Variants in SAMD3 observed in about 807,000 individuals in gnomAD.
The protein encoded by SAMD3 is sterile alpha motif domain-containing protein 3.
SAMD3 carries 63 observed loss-of-function variants against 58.5 expected under a neutral mutation model. The ratio of observed to expected loss-of-function variants is 1.08; its 90% CI spans 0.88 to 1.33. SAMD3 has a LOEUF of 1.33. Among genes scored for constraint, SAMD3 ranks in the 40% most tolerant of loss-of-function variants. SAMD3 has a pLI of 0.00. For missense variants in SAMD3, 604 were observed against 608.4 expected (o/e 0.99, Z 0.08); for synonymous variants, 220 against 210.3 (o/e 1.05, Z -0.40).
chr6:130,181,806 C>G (rs1229951969), intron 7 of SAMD3, among the ~76,000 whole-genome samples: 1 of 151,804 alleles, frequency 6.6e-6, no homozygotes, highest in Non-Finnish European at 1.5e-5. Context: ...GAATTTTGAG[C>G]TATGTAAATA....
rs202057036 is a variant in SAMD3, at chr6:130,241,854, G to GA, written c.-187-19042dup. Among the ~76,000 whole-genome samples, 1,282 of 151,510 alleles carry GA rather than the reference G, an allele frequency of 8.5e-3. 19 individuals are homozygous for GA. The highest frequency in any genetic ancestry group is 0.03 in the African/African-American group (1,221 of 41,256). On this transcript the variant is annotated intron_variant, in intron 2 of 13. Coordinates refer to the SAMD3 transcript ENST00000368134. The stretch of plus-strand genomic sequence containing the variant: ...TTTTTTTGAAAGAGGGCATACCTGG[G>GA]AAAAAACAGCCACAGGTGTTTCTGT...
intron 5 of SAMD3, among the ~76,000 whole-genome samples, chr6:130,186,767 A>ATT (rs35592601): frequency 0.58 from 61,846 of 107,030 alleles, 19,064 homozygotes; most frequent in South Asian, 0.64. Flanking sequence ...CCTTCCTGGG[A>ATT]TTTTTTTTTT....
At chr6:130,341,018 T>C (rs1777252759) in intron 1 of SAMD3, among the ~76,000 whole-genome samples, 1 of 152,228 alleles carries the variant, frequency 6.6e-6, no homozygotes, top group Non-Finnish European at 1.5e-5. Flanking sequence ...AGGTTTTCAG[T>C]ACATTTAGAA....
At chr6:130,186,767 A>ATTTTTTTTTTTTTTTTTTTTTTTTTTTTT (rs35592601) in intron 5 of SAMD3, among the ~76,000 whole-genome samples, 1 of 107,036 alleles carries the variant, frequency 9.3e-6, no homozygotes, top group Non-Finnish European at 1.8e-5. Flanking sequence ...CCTTCCTGGG[A>ATTTTTTTTTTTTTTTTTTTTTTTTTTTTT]TTTTTTTTTT....
chr6:130,180,146 G>A (rs922525181), intron 7 of SAMD3, among the ~76,000 whole-genome samples: 3 of 151,394 alleles, frequency 2.0e-5, no homozygotes, highest in South Asian at 2.1e-4. Flanking sequence ...TTTGAGACAG[G>A]GTTTTGCTCT....
At chr6:130,273,685 A>C (rs966494984) in intron 2 of SAMD3, among the ~76,000 whole-genome samples, 2 of 151,608 alleles carry the variant, frequency 1.3e-5, no homozygotes, top group African/African-American at 4.8e-5. Context: ...TGTGGTTACC[A>C]TAAGGCATAT....
intron 1 of SAMD3, among the ~76,000 whole-genome samples, chr6:130,349,761 C>A (rs576094776): frequency 9.2e-5 from 14 of 151,968 alleles, no homozygotes; most frequent in Non-Finnish European, 1.8e-4. Flanking sequence ...GGCACAGACA[C>A]AACAAAAAAA....
intron 2 of SAMD3, among the ~76,000 whole-genome samples, chr6:130,297,507 G>T (rs1225450307): frequency 6.6e-6 from 1 of 152,176 alleles, no homozygotes; most frequent in African/African-American, 2.4e-5. Flanking sequence ...CCGAAGGATT[G>T]CATTCTCTTT....
chr6:130,163,560 G>A (rs72618513), intron 8 of SAMD3, among the ~76,000 whole-genome samples: 5,216 of 152,210 alleles, frequency 0.034, 446 homozygotes, highest in East Asian at 0.28. Flanking sequence ...GTAAAACTTC[G>A]CAGTATTAGT....
intron 8 of SAMD3, chr6:130,160,608 A>G (rs1790201455): frequency 6.6e-6 from 1 of 152,208 alleles, no homozygotes. Flanking sequence ...GTGGAAAACC[A>G]TAGACGGCCA....
intron 2 of SAMD3, among the ~76,000 whole-genome samples, chr6:130,297,856 G>A (rs1775620260): frequency 6.6e-6 from 1 of 152,100 alleles, no homozygotes; most frequent in Non-Finnish European, 1.5e-5. Context: ...TTTAAAAAAT[G>A]ATCAAAGCCT....
chr6:130,312,448 G>C (rs896277888), intron 2 of SAMD3, among the ~76,000 whole-genome samples: 8 of 152,162 alleles, frequency 5.3e-5, no homozygotes, highest in African/African-American at 1.9e-4. Flanking sequence ...TACCCTTAGA[G>C]TCCTCCTCAG....
At chr6:130,272,950 G>T (rs940862479) in intron 2 of SAMD3, among the ~76,000 whole-genome samples, 1 of 152,134 alleles carries the variant, frequency 6.6e-6, no homozygotes, top group Non-Finnish European at 1.5e-5. Context: ...ACAGATTTTA[G>T]CATCCTCATC....
chr6:130,329,043 CCTCTCT>C (rs10679349), intron 1 of SAMD3, among the ~76,000 whole-genome samples: 14 of 147,080 alleles, frequency 9.5e-5, no homozygotes, highest in South Asian at 6.5e-4. Flanking sequence ...TCTCTCTCTC[CCTCTCT>C]CTCTCTCTCT....
intron 5 of SAMD3, among the ~76,000 whole-genome samples, chr6:130,195,182 A>G (rs539787636): frequency 9.2e-5 from 14 of 151,732 alleles, no homozygotes; most frequent in Non-Finnish European, 2.1e-4. Flanking sequence ...CTTCTCCCCA[A>G]CCCAAAGCCT....
intron 2 of SAMD3, among the ~76,000 whole-genome samples, chr6:130,290,477 C>A (rs923275305): frequency 2.0e-5 from 3 of 152,146 alleles, no homozygotes; most frequent in Non-Finnish European, 4.4e-5. Flanking sequence ...AAATGTTAAT[C>A]GTATATAAAA....
chr6:130,335,072 G>A (rs1028375027), intron 1 of SAMD3, among the ~76,000 whole-genome samples: 3 of 152,156 alleles, frequency 2.0e-5, no homozygotes, highest in Admixed American at 2.0e-4. Flanking sequence ...AGCAGCAAAG[G>A]GTTAGGCTCC....
chr6:130,277,599 C>T (rs891798433), intron 2 of SAMD3, among the ~76,000 whole-genome samples: 2 of 152,106 alleles, frequency 1.3e-5, no homozygotes, highest in Non-Finnish European at 2.9e-5. Flanking sequence ...AACTCCTGTT[C>T]ATCCTTAGGA....
intron 2 of SAMD3, among the ~76,000 whole-genome samples, chr6:130,274,430 G>A (rs970966627): frequency 6.6e-6 from 1 of 152,178 alleles, no homozygotes; most frequent in Non-Finnish European, 1.5e-5. Flanking sequence ...AGTCTTCCAA[G>A]AATAGGATGT....
Sources: gnomAD v4.1 joint callset for allele counts (sites outside exome capture counted in the v4.1 genomes callset) on GRCh38, gnomAD v4.1.1 for gene constraint, MANE v1.5 for transcripts, NCBI Gene and HGNC (gene_info 2026-07-23, HGNC 2026-07-21) for gene names.